PTPRK: variants seen among roughly 807,000 people sequenced by gnomAD.
PTPRK encodes protein tyrosine phosphatase receptor type K, also known as receptor-type tyrosine-protein phosphatase kappa.
A neutral mutation model predicts 178.0 loss-of-function variants in PTPRK; 75 were observed. The observed-to-expected ratio is 0.42, with a 90% CI of 0.35 to 0.51. PTPRK has a LOEUF of 0.51. PTPRK is among the 20% of genes least tolerant of loss of function. The probability of loss-of-function intolerance (pLI) is 0.02; values close to 1 mark genes in which losing one functional copy is unlikely to be tolerated. For missense variants in PTPRK, 1,441 were observed against 1,797.8 expected (o/e 0.80, Z 3.59); for synonymous variants, 637 against 620.6 (o/e 1.03, Z -0.39).
intron 12 of PTPRK, among the ~76,000 whole-genome samples, chr6:128,065,761 G>A (rs1781647869): frequency 6.6e-6 from 1 of 152,084 alleles, no homozygotes; most frequent in Non-Finnish European, 1.5e-5. Context: ...TATTACTTGT[G>A]GCCTGAGACC....
intron 7 of PTPRK, among the ~76,000 whole-genome samples, chr6:128,151,389 C>T (rs1284720354): frequency 6.6e-6 from 1 of 151,840 alleles, no homozygotes; most frequent in East Asian, 1.9e-4. Flanking sequence ...TAAAGACAGT[C>T]CTTAATCTTT....
chr6:128,289,617 T>G (rs1823048858), intron 3 of PTPRK, among the ~76,000 whole-genome samples: 2 of 152,116 alleles, frequency 1.3e-5, no homozygotes, highest in Admixed American at 1.3e-4. Flanking sequence ...TTTGAAGGTT[T>G]TAGTGAGACA....
chr6:128,407,278 G>A (rs967110991), intron 1 of PTPRK, among the ~76,000 whole-genome samples: 17 of 152,006 alleles, frequency 1.1e-4, no homozygotes, highest in African/African-American at 3.9e-4. Context: ...TCAGAAGTTC[G>A]TGGTTCCTAA....
chr6:128,242,545 T>C lies in PTPRK; in HGVS notation c.553A>G (p.Ile185Val). The C allele has an allele frequency of 7.4e-6, 12 of 1,613,082 alleles. No homozygotes were observed. The highest frequency in any genetic ancestry group is 1.0e-5 in the Non-Finnish European group (12 of 1,179,598). ...CCACAAGGATAACTCAGTACTTGGATGTCATCAATGGCAATATAACCACTT... is the reference window on the plus strand; with the variant it reads ...CCACAAGGATAACTCAGTACTTGGACGTCATCAATGGCAATATAACCACTT... The part of the protein sequence containing the change: ...GRSGYIAIDD[I>V]QVLSYPCDKS... The change falls in exon 4 of 30, where the codon ATC (isoleucine) becomes GTC (valine). Residue 185 changes from isoleucine to valine, a missense_variant. Transcript: ENST00000368226.
At chr6:128,110,956 A>G (rs903010628) in intron 7 of PTPRK, among the ~76,000 whole-genome samples, 2 of 152,136 alleles carry the variant, frequency 1.3e-5, no homozygotes, top group Admixed American at 1.3e-4. Context: ...AATCTTTTCA[A>G]TTTACTGACT....
intron 3 of PTPRK, among the ~76,000 whole-genome samples, chr6:128,277,547 C>T (rs1323905390): frequency 6.6e-6 from 1 of 152,122 alleles, no homozygotes; most frequent in Non-Finnish European, 1.5e-5. Flanking sequence ...CCTGCTGACC[C>T]TGACTCTCGA....
At chr6:128,181,146 A>C (rs1337578564) in intron 7 of PTPRK, among the ~76,000 whole-genome samples, 1 of 152,106 alleles carries the variant, frequency 6.6e-6, no homozygotes, top group Non-Finnish European at 1.5e-5. Flanking sequence ...CTACATTTAC[A>C]TTTGAAAATG....
intron 1 of PTPRK, among the ~76,000 whole-genome samples, chr6:128,458,436 C>T (rs1256870847): frequency 6.6e-6 from 1 of 152,112 alleles, no homozygotes; most frequent in Non-Finnish European, 1.5e-5. Context: ...GATAACTCTA[C>T]ACTAAAAAAT....
chr6:128,102,593 C>T (rs970229368), intron 7 of PTPRK, among the ~76,000 whole-genome samples: 1 of 152,100 alleles, frequency 6.6e-6, no homozygotes, highest in African/African-American at 2.4e-5. Flanking sequence ...TTCAAATTGC[C>T]GTATTTATCT....
chr6:128,512,848 G>A (rs939111803), intron 1 of PTPRK, among the ~76,000 whole-genome samples: 2 of 152,062 alleles, frequency 1.3e-5, no homozygotes, highest in African/African-American at 4.8e-5. Context: ...TCCTATAAAT[G>A]AGCTCCTTAC....
intron 7 of PTPRK, among the ~76,000 whole-genome samples, chr6:128,156,062 A>G (rs1014950307): frequency 1.1e-4 from 16 of 151,916 alleles, no homozygotes; most frequent in African/African-American, 3.6e-4. Flanking sequence ...GTTTCTTACA[A>G]CTTAAATTTT....
chr6:128,327,815 T>C (rs1829769055), intron 2 of PTPRK, among the ~76,000 whole-genome samples: 1 of 152,142 alleles, frequency 6.6e-6, no homozygotes, highest in Non-Finnish European at 1.5e-5. Flanking sequence ...ACAATCAAAG[T>C]ACCCAAGAAA....
chr6:128,183,810 T>A (rs1156579609), intron 7 of PTPRK, among the ~76,000 whole-genome samples: 2 of 147,006 alleles, frequency 1.4e-5, no homozygotes. Flanking sequence ...TCATTTTTTT[T>A]GTGTTTTCTC....
chr6:127,999,283 G>A (rs1385231374), intron 15 of PTPRK, among the ~76,000 whole-genome samples: 1 of 151,886 alleles, frequency 6.6e-6, no homozygotes, highest in Admixed American at 6.6e-5. Context: ...CTATTAAGTC[G>A]ACCAAACTCC....
intron 7 of PTPRK, among the ~76,000 whole-genome samples, chr6:128,135,078 T>TCTCACACACACA (rs764373135): frequency 8.3e-4 from 113 of 136,380 alleles, no homozygotes; most frequent in African/African-American, 3.0e-3. Context: ...AATCATTCAA[T>TCTCACACACACA]CACACACACA....
At chr6:128,339,449 C>T (rs1045925448) in intron 2 of PTPRK, among the ~76,000 whole-genome samples, 3 of 152,050 alleles carry the variant, frequency 2.0e-5, no homozygotes, top group Non-Finnish European at 2.9e-5. Flanking sequence ...ATGTATTTTT[C>T]CCAAATATAA....
intron 3 of PTPRK, among the ~76,000 whole-genome samples, chr6:128,293,841 C>A (rs1823807200): frequency 6.6e-6 from 1 of 152,156 alleles, no homozygotes; most frequent in South Asian, 2.1e-4. Context: ...CTAGTACAGA[C>A]AATTCAGGTG....
At chr6:128,197,720 A>G (rs1431834241) in intron 6 of PTPRK, among the ~76,000 whole-genome samples, 2 of 152,074 alleles carry the variant, frequency 1.3e-5, no homozygotes, top group Non-Finnish European at 2.9e-5. Context: ...CAATCAAACT[A>G]TACTAGATAG....
intron 13 of PTPRK, among the ~76,000 whole-genome samples, chr6:128,021,957 T>C (rs1773575520): frequency 6.6e-6 from 1 of 152,222 alleles, no homozygotes; most frequent in South Asian, 2.1e-4. Flanking sequence ...AAGGTTTGTT[T>C]CCTGTGTGTG....
Sources: allele counts gnomAD v4.1 joint callset (sites outside exome capture counted in the v4.1 genomes callset), GRCh38; gene constraint gnomAD v4.1.1; transcripts MANE v1.5; gene names NCBI Gene and HGNC (gene_info 2026-07-23, HGNC 2026-07-21).